MNAT1: variants seen among roughly 807,000 people sequenced by gnomAD.
The protein encoded by MNAT1 is CDK-activating kinase assembly factor MAT1.
MNAT1 carries 43 observed loss-of-function variants against 42.0 expected under a neutral mutation model. The ratio of observed to expected loss-of-function variants is 1.02; its 90% CI spans 0.80 to 1.32. The LOEUF is 1.32. MNAT1 is among the 40% of genes most tolerant of loss of function. MNAT1 has a pLI of 0.00. For synonymous variants in MNAT1, 118 were observed against 120.0 expected, an observed-to-expected ratio of 0.98 and a Z score of 0.11; for missense variants, 306 against 350.4, an observed-to-expected ratio of 0.87 and a Z score of 1.01.
At chr14:60,829,837 A>G (rs545945988) in intron 6 of MNAT1, among the ~76,000 whole-genome samples, 1 of 152,206 alleles carries the variant, frequency 6.6e-6, no homozygotes, top group Non-Finnish European at 1.5e-5. Flanking sequence ...CATACTGTAT[A>G]CTGCATTGCT....
intron 7 of MNAT1, among the ~76,000 whole-genome samples, chr14:60,917,966 C>T (rs2035562325): frequency 6.6e-6 from 1 of 151,966 alleles, no homozygotes; most frequent in Non-Finnish European, 1.5e-5. Context: ...GCATTTGTAT[C>T]ATCAAAATTC....
intron 6 of MNAT1, among the ~76,000 whole-genome samples, chr14:60,870,330 C>T (rs2034301075): frequency 6.6e-6 from 1 of 152,060 alleles, no homozygotes; most frequent in Non-Finnish European, 1.5e-5. Context: ...GCATGCGTTT[C>T]CCCCCAGGTA....
chr14:60,943,013 TGTGTGTGTGTGTGTG>T (rs2036203693), intron 7 of MNAT1, among the ~76,000 whole-genome samples: 1 of 78,400 alleles, frequency 1.3e-5, no homozygotes, highest in Non-Finnish European at 2.5e-5. Flanking sequence ...AGTGTGTGTG[TGTGTGTGTGTGTGTG>T]TGTGTGTGTG....
At chr14:60,768,371 C>T (rs1249842583) in intron 1 of MNAT1, among the ~76,000 whole-genome samples, 4 of 152,070 alleles carry the variant, frequency 2.6e-5, no homozygotes, top group East Asian at 1.9e-4. Flanking sequence ...TAACTTTCTC[C>T]CTGGTTGACT....
intron 1 of MNAT1, among the ~76,000 whole-genome samples, chr14:60,756,944 GT>G (rs1448032189): frequency 1.3e-5 from 2 of 152,128 alleles, no homozygotes; most frequent in African/African-American, 4.8e-5. Flanking sequence ...CTTGAATTTA[GT>G]TTTTGGCTTG....
At chr14:60,739,067 G>A (rs1375479742) in intron 1 of MNAT1, among the ~76,000 whole-genome samples, 1 of 152,114 alleles carries the variant, frequency 6.6e-6, no homozygotes, top group Non-Finnish European at 1.5e-5. Context: ...GGTCACTCAT[G>A]TGGCTCTTGT....
At chr14:60,965,584 C>T (rs894360016) in intron 7 of MNAT1, among the ~76,000 whole-genome samples, 3 of 152,172 alleles carry the variant, frequency 2.0e-5, no homozygotes, top group African/African-American at 7.2e-5. Flanking sequence ...TCAACTTTCC[C>T]AGAAGCAAGC....
chr14:60,921,865 C>G (rs1462947209), intron 7 of MNAT1, among the ~76,000 whole-genome samples: 1 of 152,054 alleles, frequency 6.6e-6, no homozygotes, highest in Non-Finnish European at 1.5e-5. Flanking sequence ...TGGCTCTAAA[C>G]AAGACCCATA....
chr14:60,796,980 A>AT (rs2032039059), intron 2 of MNAT1, among the ~76,000 whole-genome samples: 1 of 151,990 alleles, frequency 6.6e-6, no homozygotes, highest in Non-Finnish European at 1.5e-5. Context: ...TGGGCATAGT[A>AT]AATATATGTG....
intron 4 of MNAT1, 119 bp downstream of exon 4, chr14:60,808,547 A>G (rs1200929237): frequency 9.3e-6 from 6 of 643,088 alleles, no homozygotes; most frequent in Non-Finnish European, 1.6e-5. Context: ...GCTGAAATTT[A>G]GACCAGAAAT....
intron 7 of MNAT1, among the ~76,000 whole-genome samples, chr14:60,885,315 A>G (rs2034640879): frequency 6.6e-6 from 1 of 151,896 alleles, no homozygotes; most frequent in Admixed American, 6.6e-5. Context: ...TTTAGGCCCC[A>G]TAACTCTTAG....
chr14:60,894,121 G>A (rs568667371), intron 7 of MNAT1, among the ~76,000 whole-genome samples: 1 of 152,104 alleles, frequency 6.6e-6, no homozygotes, highest in Non-Finnish European at 1.5e-5. Context: ...TTGCATCAGT[G>A]TAGGACCCTA....
intron 6 of MNAT1, among the ~76,000 whole-genome samples, chr14:60,838,901 T>C (rs1410639417): frequency 6.6e-6 from 1 of 152,152 alleles, no homozygotes; most frequent in Non-Finnish European, 1.5e-5. Context: ...GGTGTGCCCA[T>C]GCTTGGGGCA....
At chr14:60,869,040 A>ATATATATATATATATATTTTTTT (rs1465360826) in intron 6 of MNAT1, among the ~76,000 whole-genome samples, 3 of 113,052 alleles carry the variant, frequency 2.7e-5, no homozygotes, top group Non-Finnish European at 5.5e-5. Context: ...ATATATATAT[A>ATATATATATATATATATTTTTTT]TTTTTTTTTT....
intron 6 of MNAT1, among the ~76,000 whole-genome samples, chr14:60,835,685 CT>C (rs1420742181): frequency 6.6e-6 from 1 of 152,140 alleles, no homozygotes; most frequent in African/African-American, 2.4e-5. Context: ...TCATTTCAAC[CT>C]TGGTGAATCT....
At chr14:60,780,515 G>A in intron 1 of MNAT1, 1 of 1,520,732 alleles carries the variant, frequency 6.6e-7, no homozygotes, top group Non-Finnish European at 9.1e-7. Flanking sequence ...CAATTCTGAG[G>A]AAGTCTGCCT....
At chr14:60,895,249 T>C (rs1239429975) in intron 7 of MNAT1, among the ~76,000 whole-genome samples, 1 of 152,246 alleles carries the variant, frequency 6.6e-6, no homozygotes, top group African/African-American at 2.4e-5. Context: ...GCTTTCTTAT[T>C]GTTTTTCTTA....
chr14:60,925,461 G>C (rs1193653051), intron 7 of MNAT1, among the ~76,000 whole-genome samples: 1 of 152,108 alleles, frequency 6.6e-6, no homozygotes, highest in Non-Finnish European at 1.5e-5. Context: ...TAAAGAGAGT[G>C]CTGTACAGGA....
intron 1 of MNAT1, among the ~76,000 whole-genome samples, chr14:60,756,226 A>C (rs894009162): frequency 7.2e-5 from 11 of 152,218 alleles, no homozygotes; most frequent in African/African-American, 2.4e-4. Context: ...GTCATTAAGG[A>C]AAGTTTCAGT....
Sources: gnomAD v4.1 joint callset for allele counts (sites outside exome capture counted in the v4.1 genomes callset) on GRCh38, gnomAD v4.1.1 for gene constraint, MANE v1.5 for transcripts, NCBI Gene and HGNC (gene_info 2026-07-23, HGNC 2026-07-21) for gene names.